The following CCDC68 variants were observed in gnomAD, a reference collection of about 807,000 sequenced individuals.
The protein encoded by CCDC68 is coiled-coil domain containing 68, also known as coiled-coil domain-containing protein 68.
CCDC68 carries 45 observed loss-of-function variants against 47.1 expected under a neutral mutation model. That is an observed-to-expected ratio of 0.96 (90% confidence interval 0.75 to 1.23). The LOEUF is 1.23. Among genes scored for constraint, CCDC68 ranks in the 50% most tolerant of loss-of-function variants. The pLI, the probability that CCDC68 is intolerant of heterozygous loss-of-function variation, is 0.00. For missense variants in CCDC68, 353 were observed against 373.6 expected (o/e 0.94, Z 0.45); for synonymous variants, 131 against 129.5 (o/e 1.01, Z -0.08).
At chr18:54,909,729 C>A (rs151151712) in intron 10 of CCDC68, among the ~76,000 whole-genome samples, 1 of 152,216 alleles carries the variant, frequency 6.6e-6, no homozygotes, top group Non-Finnish European at 1.5e-5. Context: ...GCTGGCTCTG[C>A]GAGGCTGCGG....
intron 8 of CCDC68, among the ~76,000 whole-genome samples, chr18:54,920,466 C>T (rs1199882269): frequency 6.6e-6 from 1 of 152,024 alleles, no homozygotes; most frequent in Non-Finnish European, 1.5e-5. Flanking sequence ...GTCTTGAGCT[C>T]CTGACCTCAG....
intron 10 of CCDC68, among the ~76,000 whole-genome samples, chr18:54,912,742 T>C (rs1463438750): frequency 6.6e-6 from 1 of 152,164 alleles, no homozygotes; most frequent in East Asian, 1.9e-4. Context: ...AGACGTTTAA[T>C]GGACTCACAG....
Position 54,903,866 on chromosome 18 carries a change from A to G in CCDC68, c.*492T>C, listed in dbSNP as rs1270732962. The G allele has an allele frequency of 6.6e-6, 1 of 152,598 alleles. No individual in the cohort carries two copies. Among genetic ancestry groups the G allele is most frequent in the Non-Finnish European group, 1.5e-5 (1 of 68,334 alleles). 9.5% of individuals were successfully genotyped at this position (152,598 alleles called of 1,614,324 possible). On this transcript the variant is annotated 3_prime_UTR_variant, in exon 12 of 12. Transcript: ENST00000591504. ...TCAGGAGATGAACTTATGTCACTGT[A>G]CGATCTTTCCTATCATCCAAAAGTT...
rs995123034 is a variant in CCDC68, at chr18:54,903,328, G to A, written c.*1030C>T. ...GAAGTTTGTTCTTTCCTGACTGTAT[G>A]TCTGCATTTCTGCAAGTCAGAATTT... On this transcript the variant is annotated 3_prime_UTR_variant, in exon 12 of 12. Coordinates refer to ENST00000591504, the MANE Select transcript of CCDC68 (RefSeq NM_025214.3). 3 of 152,154 alleles carry A rather than the reference G, an allele frequency of 2.0e-5. No homozygotes were observed. The highest frequency in any genetic ancestry group is 1.3e-4 in the Admixed American group (2 of 15,280). The allele number at this position is 152,154 out of a possible 1,614,324, so 9.4% of individuals were successfully genotyped here.
chr18:54,958,038 A>C (rs1418139374), intron 1 of CCDC68: 1 of 152,256 alleles, frequency 6.6e-6, no homozygotes, highest in African/African-American at 2.4e-5. Flanking sequence ...AGTAATTCAC[A>C]AAATAGCAAC....
At chr18:54,959,243 GCCGC>G in intron 1 of CCDC68, 89 bp downstream of exon 1, 3 of 152,336 alleles carry the variant, frequency 2.0e-5, no homozygotes, top group Admixed American at 2.0e-4. Context: ...CACTGGGGAA[GCCGC>G]TGGAAAGGCA....
chr18:54,917,777 T>C lies in CCDC68; in HGVS notation c.873+136A>G, dbSNP rs948208804. Reference sequence around the variant, plus strand: ...CCAAACAGACATACTCGTAGTGTTATACAGGCATACAATGCATGCTTTCAT... The same window carrying C: ...CCAAACAGACATACTCGTAGTGTTACACAGGCATACAATGCATGCTTTCAT... On this transcript the variant is annotated intron_variant, in intron 10 of 11. Coordinates refer to ENST00000591504, the MANE Select transcript of CCDC68 (RefSeq NM_025214.3). 3.1e-5 allele frequency: 20 copies of C among 655,046 alleles called. No homozygotes were observed. In the South Asian group the frequency reaches 3.2e-4, roughly 10 times the overall value. The allele number at this position is 655,046 out of a possible 1,614,324, so 40.6% of individuals were successfully genotyped here.
chr18:54,938,013 CTT>C lies in CCDC68; in HGVS notation c.287_288del (p.Lys96ArgfsTer14), dbSNP rs759371421. ...CSLDLLMKKIKGKDLQLLEMN... is the reference protein window; with the variant it reads ...CSLDLLMKKIXGKDLQLLEMN... ...ATTTCTAAGAGCTGTAGGTCTTTTC[CTT>C]TTATCTTTTTCATAAGCAAATCCAA... On this transcript the variant is annotated frameshift_variant, in exon 5 of 12. Coordinates refer to ENST00000591504, the MANE Select transcript of CCDC68 (RefSeq NM_025214.3). LOFTEE classifies it high-confidence loss of function. 6.2e-7 allele frequency: 1 copy of C among 1,613,306 alleles called. No homozygotes were observed. Among genetic ancestry groups the C allele is most frequent in the Non-Finnish European group, 8.5e-7 (1 of 1,179,536 alleles).
chr18:54,937,154 T>G, intron 5 of CCDC68, 196 bp from the exon 6 acceptor site: 1 of 560,644 alleles, frequency 1.8e-6, no homozygotes, highest in South Asian at 2.1e-5. Flanking sequence ...TTAGAGGGGC[T>G]GTTGAACAGG....
Position 54,903,642 on chromosome 18 carries a change from G to A in CCDC68, c.*716C>T, listed in dbSNP as rs927246504. 8 of 152,134 alleles carry A rather than the reference G, an allele frequency of 5.3e-5. No individual in the cohort carries two copies. The highest frequency in any genetic ancestry group is 1.9e-4 in the African/African-American group (8 of 41,412). 9.4% of individuals were successfully genotyped at this position (152,134 alleles called of 1,614,324 possible). A position where few individuals can be genotyped will look rare whatever the true frequency, so the allele number is the denominator to read the frequency against. On this transcript the variant is annotated 3_prime_UTR_variant, in exon 12 of 12. Coordinates refer to ENST00000591504, the MANE Select transcript of CCDC68 (RefSeq NM_025214.3). ...CAGAGGAAACCATGTGCATCCCTGT[G>A]CGTTTGTGTGTACAGGTTACCTCTA...
At chr18:54,916,195 T>G (rs2043948553) in intron 10 of CCDC68, among the ~76,000 whole-genome samples, 1 of 152,160 alleles carries the variant, frequency 6.6e-6, no homozygotes, top group African/African-American at 2.4e-5. Context: ...CATTTTTAGC[T>G]GCACAGAGCT....
intron 11 of CCDC68, among the ~76,000 whole-genome samples, chr18:54,906,473 C>T (rs1005737164): frequency 3.9e-5 from 6 of 152,144 alleles, no homozygotes; most frequent in Non-Finnish European, 8.8e-5. Flanking sequence ...GCATTCAATA[C>T]TAGAGTAGTT....
At chr18:54,934,098 C>G (rs1419582412) in intron 7 of CCDC68, among the ~76,000 whole-genome samples, 1 of 152,082 alleles carries the variant, frequency 6.6e-6, no homozygotes, top group African/African-American at 2.4e-5. Flanking sequence ...TTTCTCTATC[C>G]CCAATTCAGT....
At chr18:54,904,595 G>T (rs766573189) in intron 11 of CCDC68, among the ~76,000 whole-genome samples, 180 bp from the exon 12 acceptor site, 1 of 152,124 alleles carries the variant, frequency 6.6e-6, no homozygotes, top group Non-Finnish European at 1.5e-5. Flanking sequence ...CAGTAGAATC[G>T]CATTGTGAAA....
intron 10 of CCDC68, 105 bp downstream of exon 10, chr18:54,917,808 G>A (rs2043980979): frequency 2.8e-6 from 2 of 712,180 alleles, no homozygotes; most frequent in Admixed American, 2.7e-5. Context: ...TTCATACACA[G>A]GCTCACTGAT....
rs1372959782 is a variant in CCDC68, at chr18:54,936,976, A to G, written c.346-18T>C. The G allele has an allele frequency of 1.2e-6, 2 of 1,613,706 alleles. No individual in the cohort carries two copies. The highest frequency in any genetic ancestry group is 2.2e-5 in the East Asian group (1 of 44,892). ...GCTTGCAGCTAGAAAAAAGGTCACTATGCATGTTCTGACATTTACAACAAA... is the reference window on the plus strand; with the variant it reads ...GCTTGCAGCTAGAAAAAAGGTCACTGTGCATGTTCTGACATTTACAACAAA... On this transcript the variant is annotated intron_variant, in intron 5 of 11. Coordinates refer to ENST00000591504, the MANE Select transcript of CCDC68 (RefSeq NM_025214.3).
At chr18:54,957,570 C>T (rs1258298117) in intron 1 of CCDC68, among the ~76,000 whole-genome samples, 1 of 152,020 alleles carries the variant, frequency 6.6e-6, no homozygotes, top group Non-Finnish European at 1.5e-5. Context: ...TGAATAGGCC[C>T]ACAAATTTAC....
intron 8 of CCDC68, among the ~76,000 whole-genome samples, chr18:54,928,589 C>T (rs910396236): frequency 3.3e-5 from 5 of 152,126 alleles, no homozygotes; most frequent in South Asian, 4.1e-4. Context: ...ACTCTGCCCC[C>T]GGCTCCCAAC....
intron 1 of CCDC68, among the ~76,000 whole-genome samples, chr18:54,946,363 A>G (rs1391338447): frequency 6.6e-6 from 1 of 152,170 alleles, no homozygotes; most frequent in Non-Finnish European, 1.5e-5. Context: ...GGGGCTTGGC[A>G]AGGAGTGGGG....
Sources: gnomAD v4.1 joint callset for allele counts (sites outside exome capture counted in the v4.1 genomes callset) on GRCh38, gnomAD v4.1.1 for gene constraint, MANE v1.5 for transcripts, NCBI Gene and HGNC (gene_info 2026-07-23, HGNC 2026-07-21) for gene names.